Variants in XPNPEP3 observed in about 807,000 individuals in gnomAD.
XPNPEP3 encodes the protein X-prolyl aminopeptidase 3, also known as xaa-Pro aminopeptidase 3.
Under a neutral mutation model 60.0 loss-of-function variants are expected in XPNPEP3, and 41 were observed. The observed-to-expected ratio is 0.68, with a 90% confidence interval of 0.53 to 0.89. The LOEUF (loss-of-function observed/expected upper bound fraction) is 0.89. XPNPEP3 is among the 40% of genes least tolerant of loss of function. The pLI, the probability that XPNPEP3 is intolerant of heterozygous loss-of-function variation, is 0.00. For missense variants in XPNPEP3, 598 were observed against 638.9 expected (o/e 0.94, Z 0.69); for synonymous variants, 212 against 223.2 (o/e 0.95, Z 0.45).
In XPNPEP3 at chr22:40,930,017, T is replaced by G. The variant is rs1177191976; in HGVS notation, c.*3582T>G. 2 of 152,118 alleles carry G rather than the reference T, an allele frequency of 1.3e-5. No individual in the cohort carries two copies. The highest frequency in any genetic ancestry group is 2.9e-5 in the Non-Finnish European group (2 of 68,024). The allele number at this position is 152,118 out of a possible 1,614,324, so 9.4% of individuals were successfully genotyped here. ...AGACTTACCATAGTTTTCAACTGCC[T>G]TTGCAAGTTCATAAACTTCTAAGGG... On this transcript the variant is annotated 3_prime_UTR_variant, in exon 10 of 10. Coordinates refer to ENST00000357137, the MANE Select transcript of XPNPEP3 (RefSeq NM_022098.4).
chr22:40,903,400 T>C (rs906050846), intron 4 of XPNPEP3, among the ~76,000 whole-genome samples: 2 of 152,126 alleles, frequency 1.3e-5, no homozygotes, highest in Non-Finnish European at 2.9e-5. Context: ...TCAAGTACAG[T>C]GTTCACTGCT....
intron 7 of XPNPEP3, among the ~76,000 whole-genome samples, chr22:40,921,901 A>G (rs1264540392): frequency 1.3e-5 from 2 of 152,086 alleles, no homozygotes; most frequent in African/African-American, 4.8e-5. Flanking sequence ...GTACATTACT[A>G]GTAGCCCAGA....
At position 40,928,594 on chromosome 22, in the gene XPNPEP3, A is replaced by G. The variant is rs1301532967; in HGVS notation, c.*2159A>G. 1 of 152,210 alleles carries G rather than the reference A, an allele frequency of 6.6e-6. No individual in the cohort carries two copies. Among genetic ancestry groups the G allele is most frequent in the Admixed American group, 6.6e-5 (1 of 15,264 alleles). The allele number at this position is 152,210 out of a possible 1,614,324, so 9.4% of individuals were successfully genotyped here. A position where few individuals can be genotyped will look rare whatever the true frequency, so the allele number is the denominator to read the frequency against. The stretch of plus-strand genomic sequence containing the variant: ...GATGAACAGGGCTAGATTACCACAG[A>G]TAGCTTATTTAGGAGCGTCTGTGAT... On this transcript the variant is annotated 3_prime_UTR_variant, in exon 10 of 10. Coordinates refer to ENST00000357137, the MANE Select transcript of XPNPEP3 (RefSeq NM_022098.4).
intron 2 of XPNPEP3, among the ~76,000 whole-genome samples, chr22:40,875,079 A>G (rs1307536871): frequency 6.6e-6 from 1 of 152,216 alleles, no homozygotes; most frequent in East Asian, 1.9e-4. Flanking sequence ...TTGAAGGTCT[A>G]CTTTTTCTAT....
chr22:40,862,250 C>G, intron 1 of XPNPEP3: 1 of 1,206,398 alleles, frequency 8.3e-7, no homozygotes, highest in Non-Finnish European at 1.0e-6. Context: ...CCAAATAGAG[C>G]TAGTCCAGAG....
At chr22:40,881,602 T>A (rs1304091158) in intron 2 of XPNPEP3, among the ~76,000 whole-genome samples, 168 bp from the exon 3 acceptor site, 1 of 152,172 alleles carries the variant, frequency 6.6e-6, no homozygotes, top group Non-Finnish European at 1.5e-5. Flanking sequence ...ATTTTTGCAG[T>A]GGAATACAAG....
Position 40,930,136 on chromosome 22 carries a change from T to G in XPNPEP3, c.*3701T>G, listed in dbSNP as rs1181557276. ...AGGTTTTTTGTGGGGTTTTTTTGTT[T>G]TTTTTTTTTTTGAGATGGAGTCTCG... On this transcript the variant is annotated 3_prime_UTR_variant, in exon 10 of 10. Transcript: ENST00000357137. 1 of 150,004 alleles carries G rather than the reference T, an allele frequency of 6.7e-6. No homozygotes were observed. The highest frequency in any genetic ancestry group is 1.5e-5 in the Non-Finnish European group (1 of 67,400). 9.3% of individuals were successfully genotyped at this position (150,004 alleles called of 1,614,324 possible). A position where few individuals can be genotyped will look rare whatever the true frequency, so the allele number is the denominator to read the frequency against.
At chr22:40,869,252 C>T (rs1420946461) in intron 2 of XPNPEP3, 137 bp downstream of exon 2, 6 of 708,496 alleles carry the variant, frequency 8.5e-6, no homozygotes, top group Admixed American at 6.6e-5. Flanking sequence ...CCATTTTACA[C>T]TAATAAGGTT....
chr22:40,906,161 G>A (rs1471886875), intron 4 of XPNPEP3, among the ~76,000 whole-genome samples: 1 of 151,978 alleles, frequency 6.6e-6, no homozygotes, highest in Non-Finnish European at 1.5e-5. Context: ...GGCTGGTCTC[G>A]AGCTCCTGAG....
intron 1 of XPNPEP3, among the ~76,000 whole-genome samples, chr22:40,862,982 G>GT (rs1165954271): frequency 6.6e-6 from 1 of 152,210 alleles, no homozygotes; most frequent in East Asian, 1.9e-4. Flanking sequence ...CTTTAGATTG[G>GT]TTTTAGAAGG....
chr22:40,909,107 T>A lies in XPNPEP3; in HGVS notation c.856-15T>A. On this transcript the variant is annotated splice_polypyrimidine_tract_variant and intron_variant, in intron 5 of 9. Transcript: ENST00000357137. ...ACAGAAACCCTTTGTCATACCTTGC[T>A]GTTGTTTTTCACAGTTTGAATTTGA... The A allele has an allele frequency of 6.2e-7, 1 of 1,613,288 alleles. No individual in the cohort carries two copies. Among genetic ancestry groups the A allele is most frequent in the Non-Finnish European group, 8.5e-7 (1 of 1,179,204 alleles).
intron 1 of XPNPEP3, among the ~76,000 whole-genome samples, chr22:40,865,643 C>G (rs1601489008): frequency 8.0e-6 from 1 of 124,472 alleles, no homozygotes; most frequent in East Asian, 2.7e-4. Context: ...CTCCCCACTT[C>G]TTAAAACACT....
intron 7 of XPNPEP3, among the ~76,000 whole-genome samples, chr22:40,922,038 C>T (rs911820987): frequency 6.6e-6 from 1 of 151,948 alleles, no homozygotes; most frequent in Non-Finnish European, 1.5e-5. Flanking sequence ...TGAGCCTCAT[C>T]TGCCCACTGA....
chr22:40,878,309 A>G lies in XPNPEP3; in HGVS notation c.182-3461A>G, dbSNP rs966004402. On this transcript the variant is annotated intron_variant, in intron 2 of 9. Transcript: ENST00000357137. The stretch of plus-strand genomic sequence containing the variant: ...TAATGATCACTCAATAGTGTTGATA[A>G]TTAATAGGTTTGGGAAAATATAGCC... Among the ~76,000 whole-genome samples, 5 of 152,258 alleles carry G rather than the reference A, an allele frequency of 3.3e-5. No homozygotes were observed. In the East Asian group the frequency reaches 9.6e-4, roughly 29 times the overall value.
In XPNPEP3 at chr22:40,907,573, CTT is replaced by C. The variant is rs1377133873; in HGVS notation, c.793-12_793-11del. 2 of 1,612,688 alleles carry C rather than the reference CTT, an allele frequency of 1.2e-6. No individual in the cohort carries two copies. Among genetic ancestry groups the C allele is most frequent in the African/African-American group, 2.7e-5 (2 of 74,898 alleles). ...ATGAGATCGTGTTCTTTTCATCCTC[CTT>C]TCTCTTTGCAGGCTTTCATAGAAAC... On this transcript the variant is annotated splice_polypyrimidine_tract_variant and intron_variant, in intron 4 of 9. Coordinates refer to ENST00000357137, the MANE Select transcript of XPNPEP3 (RefSeq NM_022098.4).
intron 6 of XPNPEP3, among the ~76,000 whole-genome samples, chr22:40,909,632 G>T (rs987012517): frequency 2.0e-5 from 3 of 152,032 alleles, no homozygotes; most frequent in African/African-American, 7.2e-5. Flanking sequence ...AGGCGTGGTG[G>T]CACGTGCTTG....
chr22:40,916,239 C>T (rs2058195663), intron 7 of XPNPEP3, among the ~76,000 whole-genome samples: 1 of 151,648 alleles, frequency 6.6e-6, no homozygotes, highest in Non-Finnish European at 1.5e-5. Context: ...TTGCAGTGAG[C>T]CGAGATTGTA....
intron 2 of XPNPEP3, among the ~76,000 whole-genome samples, chr22:40,879,331 GA>G (rs1402088009): frequency 6.6e-6 from 1 of 152,062 alleles, no homozygotes; most frequent in African/African-American, 2.4e-5. Context: ...GTAGATGTCC[GA>G]AAAGTTAAAT....
At chr22:40,875,044 G>A (rs2058022361) in intron 2 of XPNPEP3, among the ~76,000 whole-genome samples, 3 of 152,100 alleles carry the variant, frequency 2.0e-5, no homozygotes, top group Non-Finnish European at 2.9e-5. Flanking sequence ...TAAAAGTTTT[G>A]TATCCTACAG....
Sources: allele counts gnomAD v4.1 joint callset (sites outside exome capture counted in the v4.1 genomes callset), GRCh38; gene constraint gnomAD v4.1.1; transcripts MANE v1.5; gene names NCBI Gene and HGNC (gene_info 2026-07-23, HGNC 2026-07-21).